UBR2: variants seen among roughly 807,000 people sequenced by gnomAD.
UBR2 encodes the protein E3 ubiquitin-protein ligase UBR2.
Under a neutral mutation model 247.9 loss-of-function variants are expected in UBR2, and 92 were observed. The observed-to-expected ratio is 0.37, with a 90% CI of 0.31 to 0.44. The LOEUF is 0.44. UBR2 is among the 20% of genes least tolerant of loss of function. The pLI, the probability that UBR2 is intolerant of heterozygous loss-of-function variation, is 1.00. For missense variants in UBR2, 1,613 were observed against 2,112.6 expected, an observed-to-expected ratio of 0.76 and a Z score of 4.64; for synonymous variants, 672 against 693.5, an observed-to-expected ratio of 0.97 and a Z score of 0.49.
chr6:42,578,388 C>T (rs866056057), intron 2 of UBR2, among the ~76,000 whole-genome samples: 3 of 152,098 alleles, frequency 2.0e-5, no homozygotes, highest in Admixed American at 6.5e-5. Context: ...CAAAACTAGG[C>T]CTAATGCCTC....
At chr6:42,674,249 A>T in intron 38 of UBR2, 56 bp downstream of exon 38, 1 of 1,542,870 alleles carries the variant, frequency 6.5e-7, no homozygotes, top group South Asian at 1.1e-5. Context: ...ACTTTACCTT[A>T]GGTTTGGTGA....
chr6:42,628,007 G>GT (rs1795463036), intron 11 of UBR2, among the ~76,000 whole-genome samples: 1 of 151,992 alleles, frequency 6.6e-6, no homozygotes, highest in Non-Finnish European at 1.5e-5. Context: ...AGGTAGCTTT[G>GT]TTTTTTTCTT....
In UBR2 at chr6:42,658,555, T is replaced by A. The variant is rs368839657; in HGVS notation, c.3064-91T>A. ...TAAGTGAGATTATAGAATAGTTTTT[T>A]AATTGGTATTTACAGTGAAGATATT... is the stretch of plus-strand genomic sequence containing the variant. On this transcript the variant is annotated intron_variant, in intron 28 of 46. Coordinates refer to ENST00000372901, the MANE Select transcript of UBR2 (RefSeq NM_001363705.2). The A allele has an allele frequency of 2.6e-4, 331 of 1,270,616 alleles. 1 individual carries two copies. In the African/African-American group the frequency reaches 4.6e-3, roughly 18 times the overall value. 78.7% of individuals were successfully genotyped at this position (1,270,616 alleles called of 1,614,324 possible). A position where few individuals can be genotyped will look rare whatever the true frequency, so the allele number is the denominator to read the frequency against.
chr6:42,575,133 C>A (rs1378208872), intron 2 of UBR2, among the ~76,000 whole-genome samples: 1 of 152,204 alleles, frequency 6.6e-6, no homozygotes, highest in Non-Finnish European at 1.5e-5. Flanking sequence ...AGCTTAACAT[C>A]TTTCCGTATC....
intron 40 of UBR2, among the ~76,000 whole-genome samples, chr6:42,678,323 G>A (rs1451579050): frequency 6.6e-6 from 1 of 152,176 alleles, no homozygotes; most frequent in Admixed American, 6.5e-5. Flanking sequence ...GCGACAGAGC[G>A]AGACTCCGTC....
At chr6:42,671,874 C>T (rs1398731903) in intron 36 of UBR2, among the ~76,000 whole-genome samples, 3 of 152,192 alleles carry the variant, frequency 2.0e-5, no homozygotes, top group Admixed American at 1.3e-4. Flanking sequence ...ACCTGTGTAT[C>T]TCCAACCCAG....
Position 42,564,177 on chromosome 6 carries a change from TC to T in UBR2, c.-140del. The T allele has an allele frequency of 1.1e-6, 1 of 874,848 alleles. No homozygotes were observed. Among genetic ancestry groups the T allele is most frequent in the Non-Finnish European group, 1.7e-6 (1 of 574,396 alleles). 54.2% of individuals were successfully genotyped at this position (874,848 alleles called of 1,614,324 possible). A position where few individuals can be genotyped will look rare whatever the true frequency, so the allele number is the denominator to read the frequency against. ...CTTTCCGGTTCACGTCACCCTTCTCTCCCTCTGTTGCTCCACCTGCAGCCAC... is the reference window on the plus strand; with the variant it reads ...CTTTCCGGTTCACGTCACCCTTCTCTCCTCTGTTGCTCCACCTGCAGCCAC... On this transcript the variant is annotated 5_prime_UTR_variant, in exon 1 of 47. Transcript: ENST00000372901.
At chr6:42,568,076 A>C (rs1328535214) in intron 1 of UBR2, among the ~76,000 whole-genome samples, 3 of 151,986 alleles carry the variant, frequency 2.0e-5, no homozygotes, top group Non-Finnish European at 4.4e-5. Flanking sequence ...ATAAATAATG[A>C]ATTTGTTAAG....
In UBR2 at chr6:42,644,476, G is replaced by A. The variant is rs763530191; in HGVS notation, c.2224G>A (p.Val742Ile). The change falls in exon 20 of 47, where the codon GTT becomes ATT. Residue 742 changes from valine (V) to isoleucine (I), a missense_variant. Around this residue, in one of 3 missense-constraint regions of UBR2, gnomAD observed 1,524 missense variants for 1,967.3 expected, o/e 0.77. Transcript: ENST00000372901. Reference protein sequence around the residue: ...RFSSEITHKDVVQQNNTLIEE... With the variant: ...RFSSEITHKDIVQQNNTLIEE... The stretch of plus-strand genomic sequence containing the variant: ...TATCTTCCCTCACTTGTTATAGGAT[G>A]TTGTTCAGCAGAACAATACTCTAAT... 1.9e-6 allele frequency: 3 copies of A among 1,611,488 alleles called. No individual in the cohort carries two copies. Among genetic ancestry groups the A allele is most frequent in the African/African-American group, 1.3e-5 (1 of 74,882 alleles).
chr6:42,629,654 C>A (rs1341247409), intron 11 of UBR2, among the ~76,000 whole-genome samples: 3 of 151,910 alleles, frequency 2.0e-5, no homozygotes, highest in African/African-American at 7.3e-5. Flanking sequence ...AAAACTCTGT[C>A]TCAAAAAAAT....
At position 42,576,077 on chromosome 6, in the gene UBR2, T is replaced by G. The variant is rs958231828; in HGVS notation, c.338+2084T>G. Reference sequence around the variant, plus strand: ...TGGTACAACAAGATGTCCCAGGCAATCTTGAGCTTTCTCCTGCCCCAACCC... The same window carrying G: ...TGGTACAACAAGATGTCCCAGGCAAGCTTGAGCTTTCTCCTGCCCCAACCC... On this transcript the variant is annotated intron_variant, in intron 2 of 46. Transcript: ENST00000372901. Among the ~76,000 whole-genome samples, 3 of 152,262 alleles carry G rather than the reference T, an allele frequency of 2.0e-5. No homozygotes were observed. In the East Asian group the frequency reaches 5.8e-4, roughly 29 times the overall value.
chr6:42,666,202 GAATTAC>G lies in UBR2; in HGVS notation c.3840_3845del (p.Gln1282_Leu1283del), dbSNP rs764562268. ...TACAAAGAATTCAGAAAATGTGGAT[GAATTAC>G]AGCTCCCTGAAGGGTTCAGGCCTGA... On this transcript the variant is annotated inframe_deletion, in exon 34 of 47. Coordinates refer to ENST00000372901, the MANE Select transcript of UBR2 (RefSeq NM_001363705.2). 1.9e-6 allele frequency: 3 copies of G among 1,612,216 alleles called. No homozygotes were observed. The highest frequency in any genetic ancestry group is 2.5e-6 in the Non-Finnish European group (3 of 1,179,050).
intron 44 of UBR2, among the ~76,000 whole-genome samples, chr6:42,687,629 C>T (rs1040017627): frequency 1.4e-4 from 21 of 152,224 alleles, no homozygotes; most frequent in Admixed American, 1.3e-3. Flanking sequence ...CAACCTCCGC[C>T]TCCCAGGTTC....
At chr6:42,614,205 A>AAAAAATAT (rs1562310782) in intron 8 of UBR2, among the ~76,000 whole-genome samples, 8 of 26,602 alleles carry the variant, frequency 3.0e-4, no homozygotes, top group Admixed American at 5.3e-4. Flanking sequence ...AAAAAAAAAA[A>AAAAAATAT]CTATATATAT....
intron 7 of UBR2, among the ~76,000 whole-genome samples, chr6:42,611,485 T>C (rs914586117): frequency 6.7e-6 from 1 of 149,342 alleles, no homozygotes; most frequent in Non-Finnish European, 1.5e-5. Context: ...GTTGATAACA[T>C]CACATCTATG....
intron 34 of UBR2, among the ~76,000 whole-genome samples, chr6:42,669,743 AC>A (rs1171821669): frequency 1.3e-5 from 2 of 152,168 alleles, no homozygotes; most frequent in Admixed American, 6.5e-5. Flanking sequence ...CTGTGTAAAA[AC>A]AACTTTCCCC....
intron 32 of UBR2, 138 bp from the exon 33 acceptor site, chr6:42,665,271 A>G (rs922666815): frequency 1.8e-6 from 1 of 563,834 alleles, no homozygotes; most frequent in African/African-American, 1.9e-5. Flanking sequence ...ATTTTTTTTA[A>G]TGCAACAAAT....
At chr6:42,577,677 A>T (rs1562278177) in intron 2 of UBR2, among the ~76,000 whole-genome samples, 2 of 152,172 alleles carry the variant, frequency 1.3e-5, no homozygotes, top group African/African-American at 4.8e-5. Context: ...TTTTTAGCTT[A>T]ATACTTCTTT....
Position 42,564,241 on chromosome 6 carries a change from G to A in UBR2, c.-79G>A. ...GGGACTGATTGCCTGGGGCAGGGGT[G>A]GCAGTCGAGGCCGCCGGGGCCGAGG... On this transcript the variant is annotated 5_prime_UTR_variant, in exon 1 of 47. Transcript: ENST00000372901. The A allele has an allele frequency of 1.3e-6, 2 of 1,516,700 alleles. No individual in the cohort carries two copies. The highest frequency in any genetic ancestry group is 2.0e-5 in the Admixed American group (1 of 49,828). 94.0% of individuals were successfully genotyped at this position (1,516,700 alleles called of 1,614,324 possible). A position where few individuals can be genotyped will look rare whatever the true frequency, so the allele number is the denominator to read the frequency against.
Sources: allele counts gnomAD v4.1 joint callset (sites outside exome capture counted in the v4.1 genomes callset), GRCh38; gene constraint gnomAD v4.1.1; regional missense constraint gnomAD v4.1.1; transcripts MANE v1.5; gene names NCBI Gene and HGNC (gene_info 2026-07-23, HGNC 2026-07-21).